Variants in PGM1 observed in about 807,000 individuals in gnomAD.
The protein encoded by PGM1 is phosphoglucomutase 1.
PGM1 carries 52 observed loss-of-function variants against 55.6 expected under a neutral mutation model. The observed-to-expected ratio is 0.94, with a 90% CI of 0.75 to 1.18. The LOEUF (loss-of-function observed/expected upper bound fraction) is 1.18, where lower values mean the gene tolerates loss of function less well. Ranked by LOEUF, PGM1 falls within the 50% of genes most tolerant of loss-of-function variation. The pLI, the probability that PGM1 is intolerant of heterozygous loss-of-function variation, is 0.00. For synonymous variants in PGM1, 287 were observed against 271.7 expected, an observed-to-expected ratio of 1.06 and a Z score of -0.55; for missense variants, 724 against 729.3, an observed-to-expected ratio of 0.99 and a Z score of 0.08.
intron 4 of PGM1, among the ~76,000 whole-genome samples, chr1:63,633,898 G>C (rs1649270539): frequency 2.1e-5 from 1 of 48,080 alleles, no homozygotes; most frequent in Non-Finnish European, 3.7e-5. Flanking sequence ...GTGTGTGTGT[G>C]TGTGTGTGTG....
intron 1 of PGM1, among the ~76,000 whole-genome samples, chr1:63,603,551 T>C (rs771148072): frequency 2.6e-5 from 4 of 152,180 alleles, no homozygotes; most frequent in Admixed American, 1.3e-4. Flanking sequence ...ACTGAGTCAG[T>C]AGAACAGAAT....
At chr1:63,631,038 C>T (rs2100983296) in intron 3 of PGM1, among the ~76,000 whole-genome samples, 1 of 152,164 alleles carries the variant, frequency 6.6e-6, no homozygotes, top group South Asian at 2.1e-4. Flanking sequence ...GTTCAGAACC[C>T]CTGAATATCC....
intron 1 of PGM1, 44 bp from the exon 2 acceptor site, chr1:63,629,381 G>A (rs1193277226): frequency 1.9e-6 from 3 of 1,555,566 alleles, no homozygotes; most frequent in Admixed American, 1.7e-5. Context: ...GGTGACTCTG[G>A]ATGTATTGAT....
chr1:63,601,112 C>T (rs920087682), intron 1 of PGM1, among the ~76,000 whole-genome samples: 1 of 152,170 alleles, frequency 6.6e-6, no homozygotes, highest in African/African-American at 2.4e-5. Flanking sequence ...GGGGCCTATA[C>T]ATCATCTCAG....
chr1:63,600,973 G>C (rs1448519789), intron 1 of PGM1, among the ~76,000 whole-genome samples: 1 of 152,070 alleles, frequency 6.6e-6, no homozygotes, highest in Non-Finnish European at 1.5e-5. Flanking sequence ...CTAGGGTAGG[G>C]AAAACTTTTC....
intron 1 of PGM1, among the ~76,000 whole-genome samples, chr1:63,604,917 CTGTGTGT>C (rs1393044598): frequency 2.5e-5 from 3 of 118,786 alleles, no homozygotes; most frequent in Non-Finnish European, 1.7e-5. Context: ...TTACATAACT[CTGTGTGT>C]GTGTGTGTGT....
intron 7 of PGM1, among the ~76,000 whole-genome samples, chr1:63,639,043 C>T (rs1331436638): frequency 1.3e-5 from 2 of 152,142 alleles, no homozygotes; most frequent in East Asian, 3.8e-4. Flanking sequence ...TGGGGGGCCT[C>T]CTCAGCAGCG....
rs147947081 is a variant in PGM1, at chr1:63,640,626, C to T, written c.1144+1826C>T. ...GTGGGAAGCCTTGGTCAAGAGGGAT[C>T]AGAGCCCCAGAGCCAAGTAGGAATC... On this transcript the variant is annotated intron_variant, in intron 7 of 10. Coordinates refer to ENST00000371084, the MANE Select transcript of PGM1 (RefSeq NM_002633.3). Among the ~76,000 whole-genome samples, 107 of 152,238 alleles carry T rather than the reference C, an allele frequency of 7.0e-4. 1 individual carries two copies. The highest frequency in any genetic ancestry group is 8.4e-4 in the Non-Finnish European group (57 of 68,014).
chr1:63,633,954 T>TTA (rs1649292276), intron 4 of PGM1, among the ~76,000 whole-genome samples: 7 of 132,314 alleles, frequency 5.3e-5, no homozygotes, highest in Admixed American at 3.0e-4. Flanking sequence ...TTTTTTTTTT[T>TTA]TTTTTTTAGT....
intron 1 of PGM1, chr1:63,623,082 C>G: frequency 3.0e-6 from 1 of 330,176 alleles, no homozygotes; most frequent in South Asian, 1.0e-4. Flanking sequence ...TGGAGCCTGT[C>G]AGCCACCTGG....
intron 1 of PGM1, among the ~76,000 whole-genome samples, chr1:63,626,328 A>G (rs927302531): frequency 6.6e-6 from 1 of 152,142 alleles, no homozygotes; most frequent in Non-Finnish European, 1.5e-5. Flanking sequence ...CTTTTTTAAA[A>G]ATCATCCCAT....
intron 8 of PGM1, among the ~76,000 whole-genome samples, chr1:63,649,263 G>A (rs907751774): frequency 6.6e-6 from 1 of 152,120 alleles, no homozygotes; most frequent in Non-Finnish European, 1.5e-5. Flanking sequence ...CTGTATACCC[G>A]ATTTCCATCG....
chr1:63,604,942 TGTGTGTGTGTGTGTGTG>T (rs1371621384), intron 1 of PGM1, among the ~76,000 whole-genome samples: 38 of 145,592 alleles, frequency 2.6e-4, no homozygotes, highest in African/African-American at 9.2e-4. Context: ...TGTGTGTGTG[TGTGTGTGTGTGTGTGTG>T]TAAAGAGAGG....
chr1:63,613,787 G>A (rs1258567987), intron 1 of PGM1, among the ~76,000 whole-genome samples: 1 of 150,906 alleles, frequency 6.6e-6, no homozygotes, highest in Non-Finnish European at 1.5e-5. Flanking sequence ...AAATGCAGGT[G>A]GGTTTTGTAC....
At chr1:63,648,417 T>A (rs1264393593) in intron 7 of PGM1, 100 bp from the exon 8 acceptor site, 18 of 1,275,374 alleles carry the variant, frequency 1.4e-5, no homozygotes, top group Middle Eastern at 1.9e-4. Flanking sequence ...TCCCTCAACA[T>A]GAGATTTGGG....
chr1:63,605,096 G>T (rs1648381427), intron 1 of PGM1, among the ~76,000 whole-genome samples: 1 of 152,092 alleles, frequency 6.6e-6, no homozygotes, highest in Non-Finnish European at 1.5e-5. Flanking sequence ...AGGGAACCCT[G>T]GTTCCACCCT....
chr1:63,630,727 A>C (rs1478852422), intron 3 of PGM1, among the ~76,000 whole-genome samples: 1 of 152,246 alleles, frequency 6.6e-6, no homozygotes, highest in Non-Finnish European at 1.5e-5. Flanking sequence ...GACAGAATAA[A>C]TATTTATAAA....
At chr1:63,600,364 G>T (rs571397688) in intron 1 of PGM1, 3 of 152,224 alleles carry the variant, frequency 2.0e-5, no homozygotes, top group African/African-American at 7.2e-5. Context: ...GAGATAGAGG[G>T]TTTGTTTTGT....
rs1421214650 is a variant in PGM1 at position 63,636,506 on chromosome 1, G to C, written c.1028+118G>C. The C allele has an allele frequency of 1.1e-5, 12 of 1,069,312 alleles. No homozygotes were observed. The East Asian group carries it at 2.8e-4, about 25-fold the overall frequency. The allele number at this position is 1,069,312 out of a possible 1,614,324, so 66.2% of individuals were successfully genotyped here. ...TCAGCATGGGCATCTGATGCATAGA[G>C]TGTGCTGAGCGATTCTTGTGTGAGG... On this transcript the variant is annotated intron_variant, in intron 6 of 10. Coordinates refer to ENST00000371084, the MANE Select transcript of PGM1 (RefSeq NM_002633.3).
Sources: allele counts gnomAD v4.1 joint callset (sites outside exome capture counted in the v4.1 genomes callset), GRCh38; gene constraint gnomAD v4.1.1; transcripts MANE v1.5; gene names NCBI Gene and HGNC (gene_info 2026-07-23, HGNC 2026-07-21).